NTNG1: variants seen among roughly 807,000 people sequenced by gnomAD.
NTNG1 encodes netrin-G1.
A neutral mutation model predicts 54.0 loss-of-function variants in NTNG1; 16 were observed. The observed-to-expected ratio is 0.30, with a 90% confidence interval of 0.20 to 0.45. The LOEUF is 0.45. Among genes scored for constraint, NTNG1 ranks in the 20% least tolerant of loss-of-function variants. NTNG1 has a pLI of 1.00. For synonymous variants in NTNG1, 255 were observed against 263.1 expected (o/e 0.97, Z 0.30); for missense variants, 530 against 678.7 (o/e 0.78, Z 2.43).
intron 3 of NTNG1, among the ~76,000 whole-genome samples, chr1:107,375,208 T>C (rs959113122): frequency 2.0e-5 from 3 of 152,214 alleles, no homozygotes; most frequent in African/African-American, 7.2e-5. Flanking sequence ...GCCTTGACTC[T>C]AGCATCCTCA....
At chr1:107,174,129 G>C (rs1656464934) in intron 2 of NTNG1, among the ~76,000 whole-genome samples, 1 of 152,080 alleles carries the variant, frequency 6.6e-6, no homozygotes, top group Admixed American at 6.6e-5. Context: ...AATTTAAATA[G>C]TATCTGGGTT....
chr1:107,421,921 AT>A (rs1674597618), intron 5 of NTNG1, among the ~76,000 whole-genome samples: 2 of 152,230 alleles, frequency 1.3e-5, no homozygotes, highest in African/African-American at 4.8e-5. Context: ...TTACAAAGAA[AT>A]GCATTTATTA....
At chr1:107,228,580 G>C (rs1012580434) in intron 2 of NTNG1, among the ~76,000 whole-genome samples, 4 of 152,114 alleles carry the variant, frequency 2.6e-5, no homozygotes, top group African/African-American at 9.7e-5. Flanking sequence ...AATATTGACT[G>C]TATGACTACT....
chr1:107,275,737 AC>A (rs1393461600), intron 2 of NTNG1, among the ~76,000 whole-genome samples: 3 of 152,238 alleles, frequency 2.0e-5, no homozygotes, highest in Non-Finnish European at 4.4e-5. Context: ...GAGCCCACCC[AC>A]ATTAGGGAGA....
At chr1:107,383,184 A>C (rs1428840884) in intron 3 of NTNG1, among the ~76,000 whole-genome samples, 2 of 152,220 alleles carry the variant, frequency 1.3e-5, no homozygotes, top group Non-Finnish European at 2.9e-5. Context: ...ACAAGTATAC[A>C]TATTTAAGAG....
At chr1:107,396,802 T>C (rs1225962644) in intron 4 of NTNG1, among the ~76,000 whole-genome samples, 1 of 152,184 alleles carries the variant, frequency 6.6e-6, no homozygotes, top group Non-Finnish European at 1.5e-5. Context: ...AAGAGTGTGA[T>C]GTTCACAAAC....
In NTNG1 at chr1:107,449,404, T is replaced by G. The variant is rs78591360; in HGVS notation, c.1390+12605T>G. On this transcript the variant is annotated intron_variant, in intron 7 of 7. Coordinates refer to ENST00000370068, the MANE Select transcript of NTNG1 (RefSeq NM_001113226.3). ...GGTGAGGATAACATGCAGCCAGGAT[T>G]GAGGACTACATATTTAGCAATTATA... is the stretch of plus-strand genomic sequence containing the variant. 0.012 allele frequency among the ~76,000 whole-genome samples: 1,838 copies of G among 152,114 alleles called. 99 individuals are homozygous for G. In the East Asian group the frequency reaches 0.18, roughly 15 times the overall value.
chr1:107,291,623 A>T (rs1371022009), intron 2 of NTNG1, among the ~76,000 whole-genome samples: 1 of 152,218 alleles, frequency 6.6e-6, no homozygotes, highest in African/African-American at 2.4e-5. Flanking sequence ...TGCTTGAAAT[A>T]TAGTAGAAAT....
intron 3 of NTNG1, among the ~76,000 whole-genome samples, chr1:107,376,412 C>CAAAA (rs11448812): frequency 6.7e-6 from 1 of 148,896 alleles, no homozygotes; most frequent in Non-Finnish European, 1.5e-5. Context: ...CGTCTCAAAA[C>CAAAA]AAAACAAAAA....
intron 7 of NTNG1, among the ~76,000 whole-genome samples, chr1:107,474,098 A>T (rs1171711464): frequency 6.6e-6 from 1 of 152,190 alleles, no homozygotes; most frequent in Non-Finnish European, 1.5e-5. Flanking sequence ...TAAGGATCAT[A>T]TTTTACTATC....
intron 7 of NTNG1, among the ~76,000 whole-genome samples, chr1:107,472,587 C>T (rs1443606522): frequency 3.9e-5 from 6 of 152,054 alleles, no homozygotes; most frequent in Non-Finnish European, 5.9e-5. Context: ...AAGGCCTTGT[C>T]GTAAATGGAT....
chr1:107,326,413 TAA>T (rs1409748648), intron 3 of NTNG1, among the ~76,000 whole-genome samples: 2 of 152,128 alleles, frequency 1.3e-5, no homozygotes, highest in South Asian at 2.1e-4. Flanking sequence ...GTCTTAAACA[TAA>T]GTTTGCTATT....
intron 3 of NTNG1, among the ~76,000 whole-genome samples, chr1:107,369,574 C>T (rs1471985642): frequency 2.6e-5 from 4 of 152,104 alleles, no homozygotes; most frequent in African/African-American, 9.7e-5. Context: ...AACTTTTGCT[C>T]ATTTTAAAAA....
chr1:107,452,491 T>C (rs1469031131), intron 7 of NTNG1, among the ~76,000 whole-genome samples: 1 of 152,096 alleles, frequency 6.6e-6, no homozygotes, highest in Non-Finnish European at 1.5e-5. Flanking sequence ...TGATCCCCAC[T>C]GTGGTAGTAT....
At chr1:107,314,367 C>T (rs1667207665) in intron 2 of NTNG1, among the ~76,000 whole-genome samples, 1 of 152,000 alleles carries the variant, frequency 6.6e-6, no homozygotes, top group African/African-American at 2.4e-5. Flanking sequence ...CCACTGCACT[C>T]CAGCCTGGGC....
chr1:107,179,758 C>T lies in NTNG1; in HGVS notation c.246+30919C>T, dbSNP rs560984254. On this transcript the variant is annotated intron_variant, in intron 2 of 7. Coordinates refer to ENST00000370068, the MANE Select transcript of NTNG1 (RefSeq NM_001113226.3). Reference sequence around the variant, plus strand: ...TCCCTCCTCCTCACCCTCCACCCTCCGAAATATTAATGGAATTACTTTAAT... The same window carrying T: ...TCCCTCCTCCTCACCCTCCACCCTCTGAAATATTAATGGAATTACTTTAAT... Among the ~76,000 whole-genome samples, 9 of 152,154 alleles carry T rather than the reference C, an allele frequency of 5.9e-5. No homozygotes were observed. The East Asian group carries it at 1.2e-3, about 20-fold the overall frequency.
intron 5 of NTNG1, among the ~76,000 whole-genome samples, chr1:107,426,132 T>A (rs1365289637): frequency 1.3e-5 from 2 of 152,102 alleles, no homozygotes; most frequent in Non-Finnish European, 2.9e-5. Context: ...GTTGTCTGTT[T>A]ATTCTGTTGA....
At chr1:107,232,002 C>T (rs1379174575) in intron 2 of NTNG1, among the ~76,000 whole-genome samples, 1 of 152,108 alleles carries the variant, frequency 6.6e-6, no homozygotes, top group Non-Finnish European at 1.5e-5. Flanking sequence ...ATAATGAAGG[C>T]CTCTTGATTC....
At chr1:107,220,841 C>A (rs1660292808) in intron 2 of NTNG1, among the ~76,000 whole-genome samples, 1 of 152,080 alleles carries the variant, frequency 6.6e-6, no homozygotes. Context: ...GGGAAAAATA[C>A]AGAAAATGAG....
Sources: gnomAD v4.1 joint callset for allele counts (sites outside exome capture counted in the v4.1 genomes callset) on GRCh38, gnomAD v4.1.1 for gene constraint, MANE v1.5 for transcripts, NCBI Gene and HGNC (gene_info 2026-07-23, HGNC 2026-07-21) for gene names.